The following ERBB4 variants were observed in gnomAD, a reference collection of about 807,000 sequenced individuals.
ERBB4 encodes the protein receptor tyrosine-protein kinase erbB-4.
In ERBB4, 42 loss-of-function variants were observed where a neutral mutation model predicts 158.0. That is an observed-to-expected ratio of 0.27 (90% CI 0.21 to 0.34). The LOEUF (loss-of-function observed/expected upper bound fraction) is 0.34, where lower values mean the gene tolerates loss of function less well. Ranked by LOEUF, ERBB4 falls within the 10% of genes least tolerant of loss-of-function variation. ERBB4 has a pLI of 1.00. For missense variants in ERBB4, 1,333 were observed against 1,624.1 expected (o/e 0.82, Z 3.08); for synonymous variants, 583 against 558.7 (o/e 1.04, Z -0.61).
chr2:211,770,148 A>C (rs2075654354), intron 4 of ERBB4, among the ~76,000 whole-genome samples: 1 of 152,210 alleles, frequency 6.6e-6, no homozygotes, highest in South Asian at 2.1e-4. Context: ...ACTTTACGTG[A>C]AGTACATTTT....
chr2:212,515,534 G>C (rs1691775273), intron 1 of ERBB4, among the ~76,000 whole-genome samples: 1 of 151,570 alleles, frequency 6.6e-6, no homozygotes, highest in African/African-American at 2.4e-5. Context: ...TTAAATTAAA[G>C]ATAACCCTCA....
intron 1 of ERBB4, among the ~76,000 whole-genome samples, chr2:212,399,439 T>C (rs1429240108): frequency 6.6e-6 from 1 of 150,990 alleles, no homozygotes. Flanking sequence ...TGATGAAATG[T>C]GATTCTGCAC....
At chr2:211,814,504 A>G (rs1488742854) in intron 3 of ERBB4, among the ~76,000 whole-genome samples, 1 of 152,190 alleles carries the variant, frequency 6.6e-6, no homozygotes, top group African/African-American at 2.4e-5. Flanking sequence ...AGGTACTAAG[A>G]TGAAAAACTG....
intron 1 of ERBB4, among the ~76,000 whole-genome samples, chr2:212,146,401 A>C (rs1252594826): frequency 6.6e-6 from 1 of 152,228 alleles, no homozygotes; most frequent in Admixed American, 6.5e-5. Context: ...AGAATTGTTG[A>C]CAATATAACT....
Position 211,640,518 on chromosome 2 carries a change from G to A in ERBB4, c.1947-9924C>T, listed in dbSNP as rs559058345. On this transcript the variant is annotated intron_variant, in intron 16 of 27. Coordinates refer to ENST00000342788, the MANE Select transcript of ERBB4 (RefSeq NM_005235.3). ...GTCAAATAACTCTTCCAATATAATT[G>A]ATTATTGATGTATGGTGAATCTGAA... Among the ~76,000 whole-genome samples the A allele has an allele frequency of 5.3e-5, 8 of 152,230 alleles. No homozygotes were observed. In the South Asian group the frequency reaches 1.7e-3, roughly 32 times the overall value.
intron 1 of ERBB4, among the ~76,000 whole-genome samples, chr2:212,253,938 A>C (rs115777599): frequency 0.017 from 2,529 of 152,214 alleles, 29 homozygotes; most frequent in Non-Finnish European, 0.027. Flanking sequence ...ACTGTACTGA[A>C]TACTGTAGGC....
At chr2:211,543,123 G>A (rs1006622273) in intron 20 of ERBB4, among the ~76,000 whole-genome samples, 1 of 151,894 alleles carries the variant, frequency 6.6e-6, no homozygotes, top group African/African-American at 2.4e-5. Context: ...TTGTTTTGCT[G>A]ATAAAATTCT....
At chr2:211,518,961 C>T (rs1269417397) in intron 20 of ERBB4, among the ~76,000 whole-genome samples, 1 of 151,952 alleles carries the variant, frequency 6.6e-6, no homozygotes, top group East Asian at 1.9e-4. Flanking sequence ...TTCACTCAGC[C>T]CTCTCTCTGT....
At chr2:211,548,573 G>C (rs73075153) in intron 20 of ERBB4, among the ~76,000 whole-genome samples, 3,824 of 152,130 alleles carry the variant, frequency 0.025, 165 homozygotes, top group African/African-American at 0.087. Context: ...GTCAGGGCTT[G>C]GGGATGGTGC....
At chr2:211,728,671 A>T (rs1340767486) in intron 5 of ERBB4, among the ~76,000 whole-genome samples, 1 of 151,918 alleles carries the variant, frequency 6.6e-6, no homozygotes, top group East Asian at 1.9e-4. Flanking sequence ...AGGAGAGTTT[A>T]TCAATTTGCT....
chr2:211,572,634 C>T (rs1447842473), intron 19 of ERBB4, among the ~76,000 whole-genome samples: 1 of 152,178 alleles, frequency 6.6e-6, no homozygotes, highest in East Asian at 1.9e-4. Flanking sequence ...AGGTAACCTT[C>T]CCCTGGTTTC....
chr2:212,464,578 T>C (rs978776889), intron 1 of ERBB4, among the ~76,000 whole-genome samples: 1 of 152,120 alleles, frequency 6.6e-6, no homozygotes, highest in Non-Finnish European at 1.5e-5. Flanking sequence ...TCATGGATCG[T>C]AGTTTCAAAG....
At chr2:212,163,693 T>C (rs898874849) in intron 1 of ERBB4, among the ~76,000 whole-genome samples, 1 of 152,104 alleles carries the variant, frequency 6.6e-6, no homozygotes, top group Admixed American at 6.6e-5. Flanking sequence ...AAGCCAGTTA[T>C]ACAAATAAGA....
At chr2:211,485,772 T>G (rs13021911) in intron 20 of ERBB4, among the ~76,000 whole-genome samples, 33,466 of 149,446 alleles carry the variant, frequency 0.22, 4,085 homozygotes, top group African/African-American at 0.32. Flanking sequence ...GACGAGTTAA[T>G]GGGTGCAGCA....
chr2:211,895,857 T>C (rs1219102178), intron 3 of ERBB4, among the ~76,000 whole-genome samples: 1 of 152,040 alleles, frequency 6.6e-6, no homozygotes, highest in Non-Finnish European at 1.5e-5. Flanking sequence ...CATTGCTGAG[T>C]CCATAGGATT....
intron 20 of ERBB4, among the ~76,000 whole-genome samples, chr2:211,472,993 G>A (rs1372627318): frequency 6.6e-6 from 1 of 151,658 alleles, no homozygotes; most frequent in African/African-American, 2.4e-5. Flanking sequence ...CCTCCCCCAG[G>A]GATATATGTG....
At chr2:212,066,751 G>A (rs891180762) in intron 2 of ERBB4, among the ~76,000 whole-genome samples, 10 of 151,932 alleles carry the variant, frequency 6.6e-5, no homozygotes, top group East Asian at 3.9e-4. Context: ...AATCTAACGC[G>A]TTTCTAAAAG....
At chr2:211,882,577 G>A (rs985753941) in intron 3 of ERBB4, among the ~76,000 whole-genome samples, 4 of 152,032 alleles carry the variant, frequency 2.6e-5, no homozygotes, top group Non-Finnish European at 5.9e-5. Context: ...ATAAAAACAC[G>A]AGAGGCACAG....
chr2:211,771,503 C>G (rs1316278404), intron 4 of ERBB4, among the ~76,000 whole-genome samples: 1 of 152,142 alleles, frequency 6.6e-6, no homozygotes, highest in African/African-American at 2.4e-5. Context: ...ACCTTTTAGT[C>G]AAACATAAAT....
Sources: gnomAD v4.1 joint callset for allele counts (sites outside exome capture counted in the v4.1 genomes callset) on GRCh38, gnomAD v4.1.1 for gene constraint, MANE v1.5 for transcripts, NCBI Gene and HGNC (gene_info 2026-07-23, HGNC 2026-07-21) for gene names.